The following SDK1 variants were observed in gnomAD, a reference collection of about 807,000 sequenced individuals.
SDK1 encodes the protein protein sidekick-1.
A neutral mutation model predicts 245.5 loss-of-function variants in SDK1; 157 were observed. The ratio of observed to expected loss-of-function variants is 0.64; its 90% CI spans 0.56 to 0.73. SDK1 has a LOEUF of 0.73. Ranked by LOEUF, SDK1 falls within the 30% of genes least tolerant of loss-of-function variation. The probability of loss-of-function intolerance (pLI) is 0.00; values close to 1 mark genes in which losing one functional copy is unlikely to be tolerated. For synonymous variants in SDK1, 1,647 were observed against 1,278.5 expected (o/e 1.29, Z -6.15); for missense variants, 3,583 against 3,002.3 (o/e 1.19, Z -4.52).
chr7:4,175,750 C>T (rs1185832025), intron 33 of SDK1, 25 bp from the exon 34 acceptor site: 53 of 1,609,688 alleles, frequency 3.3e-5, no homozygotes, highest in Non-Finnish European at 4.3e-5. Flanking sequence ...TGCTAACCAC[C>T]TTTCTGCTTT....
chr7:3,871,221 T>C (rs1403351734), intron 5 of SDK1, among the ~76,000 whole-genome samples: 1 of 152,194 alleles, frequency 6.6e-6, no homozygotes, highest in African/African-American at 2.4e-5. Context: ...ATTCCCATTG[T>C]TCATTGCTGG....
At chr7:3,601,152 A>G (rs1252495218) in intron 1 of SDK1, among the ~76,000 whole-genome samples, 1 of 152,124 alleles carries the variant, frequency 6.6e-6, no homozygotes, top group East Asian at 1.9e-4. Flanking sequence ...TTTTGGGTCT[A>G]AGTTTATGAG....
intron 4 of SDK1, among the ~76,000 whole-genome samples, chr7:3,819,953 C>T (rs1246346756): frequency 6.6e-6 from 1 of 152,126 alleles, no homozygotes; most frequent in Non-Finnish European, 1.5e-5. Flanking sequence ...TTTAGATAAT[C>T]TGAATCTGAA....
At chr7:3,539,394 G>A (rs1476803457) in intron 1 of SDK1, among the ~76,000 whole-genome samples, 1 of 152,178 alleles carries the variant, frequency 6.6e-6, no homozygotes, top group African/African-American at 2.4e-5. Context: ...GTTTCCATGG[G>A]ATTTTAATGG....
At chr7:3,724,109 G>A (rs181349351) in intron 4 of SDK1, among the ~76,000 whole-genome samples, 40 of 151,990 alleles carry the variant, frequency 2.6e-4, no homozygotes, top group African/African-American at 8.2e-4. Context: ...GATTACAGGC[G>A]TGTGCCACCA....
intron 4 of SDK1, among the ~76,000 whole-genome samples, chr7:3,749,978 C>A (rs1324133059): frequency 6.6e-6 from 1 of 152,208 alleles, no homozygotes; most frequent in East Asian, 1.9e-4. Flanking sequence ...GTGTTTTTCA[C>A]ACTTTGTAAT....
intron 7 of SDK1, among the ~76,000 whole-genome samples, chr7:3,954,788 A>G (rs1323881257): frequency 6.6e-6 from 1 of 151,304 alleles, no homozygotes; most frequent in Admixed American, 6.6e-5. Flanking sequence ...GGTTAAATGC[A>G]AAAATGTCTG....
At chr7:3,787,201 A>G (rs1039760746) in intron 4 of SDK1, among the ~76,000 whole-genome samples, 1 of 149,574 alleles carries the variant, frequency 6.7e-6, no homozygotes, top group Admixed American at 6.6e-5. Context: ...CATACAGAAA[A>G]CTTTTCTCAG....
chr7:4,046,053 C>A (rs574880468), intron 17 of SDK1, among the ~76,000 whole-genome samples: 3 of 151,868 alleles, frequency 2.0e-5, no homozygotes, highest in Non-Finnish European at 4.4e-5. Context: ...CTCAGCCTCC[C>A]GAGTAGCAGG....
intron 1 of SDK1, among the ~76,000 whole-genome samples, chr7:3,320,985 A>T (rs951032868): frequency 6.6e-6 from 1 of 152,164 alleles, no homozygotes; most frequent in African/African-American, 2.4e-5. Context: ...CTCCAGACAC[A>T]ATCGTGAAGC....
At position 3,607,575 on chromosome 7, in the gene SDK1, C is replaced by T. The variant is rs561989171; in HGVS notation, c.299-11505C>T. ...TTGAATGACAGAGCAAATAATCAAA[C>T]CAATATCTAGACTTCTCTAGAATTC... On this transcript the variant is annotated intron_variant, in intron 1 of 44. Transcript: ENST00000404826. Among the ~76,000 whole-genome samples the T allele has an allele frequency of 2.5e-3, 377 of 152,274 alleles. 3 individuals are homozygous for T. The highest frequency in any genetic ancestry group is 0.02 in the South Asian group (94 of 4,820).
At chr7:4,235,056 C>T (rs149817640) in intron 41 of SDK1, among the ~76,000 whole-genome samples, 42 of 152,270 alleles carry the variant, frequency 2.8e-4, no homozygotes, top group African/African-American at 9.1e-4. Flanking sequence ...ACCCTGTGCT[C>T]GTCTGTGGGT....
chr7:4,195,132 A>G (rs576540048), intron 35 of SDK1, among the ~76,000 whole-genome samples: 1 of 152,352 alleles, frequency 6.6e-6, no homozygotes, highest in African/African-American at 2.4e-5. Context: ...GCACAAAGTA[A>G]TGTTTACCAT....
intron 14 of SDK1, among the ~76,000 whole-genome samples, chr7:3,994,738 A>C (rs1380011571): frequency 6.6e-6 from 1 of 151,924 alleles, no homozygotes; most frequent in African/African-American, 2.4e-5. Flanking sequence ...TATAGGGTTT[A>C]CCTCATGCAT....
chr7:3,481,308 C>G (rs1473068119), intron 1 of SDK1, among the ~76,000 whole-genome samples: 2 of 152,204 alleles, frequency 1.3e-5, no homozygotes, highest in South Asian at 2.1e-4. Context: ...AGAAGCTGGA[C>G]TTGAACTCTG....
Position 4,208,116 on chromosome 7 carries a change from A to G in SDK1, c.5232A>G (p.Ala1744=). The G allele has an allele frequency of 1.2e-6, 2 of 1,613,392 alleles. No individual in the cohort carries two copies. The highest frequency in any genetic ancestry group is 2.7e-5 in the African/African-American group (2 of 75,006). ...IQGYKIYYWE[A]DSQNETEKMK... is the part of the protein sequence containing the mutation. ...CCTAACAGATTTACTACTGGGAGGC[A>G]GACAGCCAGAACGAAACGGAGAAAA... is the stretch of plus-strand genomic sequence containing the variant. Residue 1744 remains alanine, a synonymous_variant, in exon 37 of 45, where the codon GCA becomes GCG. Transcript: ENST00000404826.
intron 19 of SDK1, among the ~76,000 whole-genome samples, chr7:4,054,482 CAT>C (rs1020232643): frequency 8.5e-5 from 13 of 152,170 alleles, no homozygotes; most frequent in African/African-American, 1.7e-4. Flanking sequence ...CAGTTTGACA[CAT>C]GTGTAGGTTT....
chr7:3,938,239 A>G (rs1224977051), intron 5 of SDK1, among the ~76,000 whole-genome samples: 1 of 152,206 alleles, frequency 6.6e-6, no homozygotes, highest in African/African-American at 2.4e-5. Context: ...ATCTTGAGAC[A>G]AATACCCTCT....
At chr7:3,858,711 A>G (rs1780609310) in intron 5 of SDK1, among the ~76,000 whole-genome samples, 2 of 152,016 alleles carry the variant, frequency 1.3e-5, no homozygotes, top group South Asian at 4.2e-4. Flanking sequence ...AAAACGAAGG[A>G]AGAATTTCCC....
Sources: allele counts gnomAD v4.1 joint callset (sites outside exome capture counted in the v4.1 genomes callset), GRCh38; gene constraint gnomAD v4.1.1; transcripts MANE v1.5; gene names NCBI Gene and HGNC (gene_info 2026-07-23, HGNC 2026-07-21).